PSME4: variants seen among roughly 807,000 people sequenced by gnomAD.
The protein encoded by PSME4 is proteasome activator subunit 4.
PSME4 carries 89 observed loss-of-function variants against 253.9 expected under a neutral mutation model. The ratio of observed to expected loss-of-function variants is 0.35; its 90% CI spans 0.30 to 0.42. The LOEUF (loss-of-function observed/expected upper bound fraction) is 0.42. PSME4 is among the 10% of genes least tolerant of loss of function. The pLI, the probability that PSME4 is intolerant of heterozygous loss-of-function variation, is 1.00. For missense variants in PSME4, 2,014 were observed against 2,195.2 expected (o/e 0.92, Z 1.65); for synonymous variants, 851 against 759.2 (o/e 1.12, Z -1.99).
At chr2:53,908,050 T>A (rs1440084764) in intron 24 of PSME4, 2 of 359,696 alleles carry the variant, frequency 5.6e-6, no homozygotes, top group Admixed American at 8.8e-5. Context: ...TTCAAGTTCT[T>A]ACAAGGTAGT....
intron 8 of PSME4, among the ~76,000 whole-genome samples, chr2:53,933,833 T>C (rs1364511511): frequency 3.3e-5 from 5 of 152,220 alleles, no homozygotes; most frequent in Admixed American, 3.3e-4. Context: ...TGTAAGATAG[T>C]AAACATCTTT....
Position 53,897,961 on chromosome 2 carries a change from G to T in PSME4, c.3515C>A (p.Ser1172Tyr). 6.2e-7 allele frequency: 1 copy of T among 1,613,426 alleles called. No homozygotes were observed. The highest frequency in any genetic ancestry group is 8.5e-7 in the Non-Finnish European group (1 of 1,179,574). The change falls in exon 31 of 47, where the codon TCT becomes TAT. Residue 1172 changes from serine to tyrosine, a missense_variant. By Grantham distance (144) the Ser-to-Tyr change is moderately radical (BLOSUM62 -2). Around this residue, in one of 4 missense-constraint regions of PSME4, gnomAD observed 989 missense variants for 1,021.1 expected, o/e 0.97. Transcript: ENST00000404125. ...CACTCGGTCATCTCTCAGCAGTAGA[G>T]ACAGAAGCCCAATGCCTATATGTTC... The part of the protein sequence containing the change: ...KFEHIGIGLL[S>Y]LLLRDDRVLP...
intron 41 of PSME4, among the ~76,000 whole-genome samples, chr2:53,876,594 T>C (rs1472295274): frequency 1.3e-5 from 2 of 151,662 alleles, no homozygotes; most frequent in African/African-American, 2.4e-5. Context: ...TATATATATA[T>C]ATATAAGCTT....
Position 53,970,643 on chromosome 2 carries a change from A to G in PSME4, c.142T>C (p.Ser48Pro). 6.5e-7 allele frequency: 1 copy of G among 1,549,932 alleles called. No individual in the cohort carries two copies. The change falls in exon 1 of 47, where the codon TCC becomes CCC. Residue 48 changes from serine to proline, a missense_variant. Physicochemically the swap from Ser to Pro is moderately conservative, Grantham distance 74. This residue lies in a region of PSME4 where 615 missense variants were observed against 594.4 expected (regional missense o/e 1.03). Coordinates refer to ENST00000404125, the MANE Select transcript of PSME4 (RefSeq NM_014614.3). The stretch of plus-strand genomic sequence containing the variant: ...TTGATCTGGGCCAGCTGCAAGTCGG[A>G]CTCGGCGTCTAGCCGCTCCGCGTAG... The part of the protein sequence containing the change: ...LPYAERLDAE[S>P]DLQLAQIKCN...
chr2:53,932,650 C>A lies in PSME4; in HGVS notation c.1050+18G>T. On this transcript the variant is annotated intron_variant, in intron 9 of 46. Transcript: ENST00000404125. ...TTTAAAAATTCCAAGCCCTATAATG[C>A]AAAACGAAGTTACTCACCAGCCAGC... 1 of 1,586,104 alleles carries A rather than the reference C, an allele frequency of 6.3e-7. No homozygotes were observed.
chr2:53,968,376 G>C (rs796511268), intron 1 of PSME4, among the ~76,000 whole-genome samples: 6 of 152,084 alleles, frequency 3.9e-5, no homozygotes, highest in African/African-American at 1.2e-4. Flanking sequence ...CTCAGAGCTA[G>C]TGGGAGAAAC....
At chr2:53,934,761 C>T (rs1573325423) in intron 7 of PSME4, 34 bp from the exon 8 acceptor site, 1 of 1,486,444 alleles carries the variant, frequency 6.7e-7, no homozygotes, top group Non-Finnish European at 9.3e-7. Context: ...AGGATATTTA[C>T]AGGTATCAAA....
At chr2:53,866,311 C>A in intron 45 of PSME4, 88 bp from the exon 46 acceptor site, 1 of 1,410,204 alleles carries the variant, frequency 7.1e-7, no homozygotes, top group East Asian at 2.3e-5. Flanking sequence ...TACCGTCCCT[C>A]TAGACTTCAG....
At chr2:53,932,249 A>G in intron 9 of PSME4, 149 bp from the exon 10 acceptor site, 1 of 654,564 alleles carries the variant, frequency 1.5e-6, no homozygotes, top group South Asian at 2.7e-5. Context: ...ACTAGATAGA[A>G]TTAAAAGTTA....
At chr2:53,955,554 A>G (rs1357841308) in intron 1 of PSME4, among the ~76,000 whole-genome samples, 2 of 152,202 alleles carry the variant, frequency 1.3e-5, no homozygotes, top group Non-Finnish European at 2.9e-5. Flanking sequence ...ATGGAACGGA[A>G]TATAATATTT....
intron 7 of PSME4, among the ~76,000 whole-genome samples, chr2:53,935,671 G>A (rs1212148748): frequency 1.3e-5 from 2 of 152,084 alleles, no homozygotes; most frequent in African/African-American, 4.8e-5. Context: ...AAATTACTTT[G>A]ACACTGATAG....
intron 1 of PSME4, among the ~76,000 whole-genome samples, chr2:53,956,492 T>C (rs1056640806): frequency 2.0e-5 from 3 of 151,732 alleles, no homozygotes; most frequent in Admixed American, 6.6e-5. Flanking sequence ...ATCACGCCAC[T>C]GCACTCCAGC....
intron 35 of PSME4, 114 bp downstream of exon 35, chr2:53,893,560 G>A (rs1680009020): frequency 6.5e-7 from 1 of 1,537,106 alleles, no homozygotes; most frequent in African/African-American, 1.4e-5. Context: ...AAATTCCAGT[G>A]CCATTTTAGA....
At chr2:53,873,932 A>T (rs1363018223) in intron 43 of PSME4, among the ~76,000 whole-genome samples, 1 of 152,086 alleles carries the variant, frequency 6.6e-6, no homozygotes, top group Non-Finnish European at 1.5e-5. Flanking sequence ...TATCAAAATT[A>T]CTCACATAGG....
chr2:53,866,256 C>T, intron 45 of PSME4, 33 bp from the exon 46 acceptor site: 1 of 1,608,888 alleles, frequency 6.2e-7, no homozygotes, highest in Non-Finnish European at 8.5e-7. Flanking sequence ...ACGTTTTAAC[C>T]TCTCTGGACA....
chr2:53,872,570 G>A (rs551059042), intron 43 of PSME4, among the ~76,000 whole-genome samples: 2 of 151,198 alleles, frequency 1.3e-5, no homozygotes, highest in African/African-American at 4.8e-5. Context: ...GCAAAACCTT[G>A]CCTCTACAAA....
At chr2:53,884,032 C>G (rs1374115997) in intron 41 of PSME4, among the ~76,000 whole-genome samples, 1 of 152,154 alleles carries the variant, frequency 6.6e-6, no homozygotes, top group Non-Finnish European at 1.5e-5. Context: ...TTCTTTTAAA[C>G]GCCTCTCTTT....
Position 53,866,728 on chromosome 2 carries a change from T to C in PSME4, c.5397+19A>G. 6.2e-7 allele frequency: 1 copy of C among 1,605,944 alleles called. No individual in the cohort carries two copies. Among genetic ancestry groups the C allele is most frequent in the Non-Finnish European group, 8.5e-7 (1 of 1,174,588 alleles). On this transcript the variant is annotated intron_variant, in intron 45 of 46. Coordinates refer to ENST00000404125, the MANE Select transcript of PSME4 (RefSeq NM_014614.3). ...CATCACTGATAATACACGTACAAAC[T>C]AATAAGGAAGAACTGTACCTCAATA...
chr2:53,882,909 AT>A (rs138561925), intron 41 of PSME4, among the ~76,000 whole-genome samples: 34,457 of 149,070 alleles, frequency 0.23, 4,166 homozygotes, highest in South Asian at 0.29. Context: ...ACAAAAAAAA[AT>A]AAATAAATAA....
Sources: gnomAD v4.1 joint callset for allele counts (sites outside exome capture counted in the v4.1 genomes callset) on GRCh38, gnomAD v4.1.1 for gene constraint, gnomAD v4.1.1 regional missense constraint, MANE v1.5 for transcripts, NCBI Gene and HGNC (gene_info 2026-07-23, HGNC 2026-07-21) for gene names.